The following GALNTL6 variants were observed in gnomAD, a reference collection of about 807,000 sequenced individuals.
GALNTL6 encodes the protein polypeptide N-acetylgalactosaminyltransferase-like 6.
GALNTL6 carries 46 observed loss-of-function variants against 73.7 expected under a neutral mutation model. That is an observed-to-expected ratio of 0.62 (90% confidence interval 0.49 to 0.80). The LOEUF (loss-of-function observed/expected upper bound fraction) is 0.80, where lower values mean the gene tolerates loss of function less well. GALNTL6 is among the 30% of genes least tolerant of loss of function. The pLI is 0.00. For missense variants in GALNTL6, 604 were observed against 755.0 expected, an observed-to-expected ratio of 0.80 and a Z score of 2.34; for synonymous variants, 259 against 263.7, an observed-to-expected ratio of 0.98 and a Z score of 0.17.
intron 12 of GALNTL6, among the ~76,000 whole-genome samples, chr4:173,032,348 G>A (rs1753498683): frequency 6.6e-6 from 1 of 152,104 alleles, no homozygotes; most frequent in Non-Finnish European, 1.5e-5. Flanking sequence ...CTACTCGGGA[G>A]GCTGAGGCAG....
At chr4:172,707,611 C>T (rs983329606) in intron 5 of GALNTL6, among the ~76,000 whole-genome samples, 3 of 152,122 alleles carry the variant, frequency 2.0e-5, no homozygotes, top group Non-Finnish European at 4.4e-5. Context: ...AATTATTCTG[C>T]ATTTGTTAAA....
intron 5 of GALNTL6, among the ~76,000 whole-genome samples, chr4:172,803,725 A>C (rs1202467126): frequency 6.6e-6 from 1 of 152,210 alleles, no homozygotes; most frequent in East Asian, 1.9e-4. Context: ...ATTAGCAAAA[A>C]ATATATTTTA....
At chr4:172,821,720 G>A (rs1314143751) in intron 7 of GALNTL6, among the ~76,000 whole-genome samples, 4 of 151,552 alleles carry the variant, frequency 2.6e-5, no homozygotes, top group Admixed American at 6.6e-5. Flanking sequence ...TCTACAGAAG[G>A]TGAGAATAAA....
intron 5 of GALNTL6, among the ~76,000 whole-genome samples, chr4:172,613,880 A>G (rs992861016): frequency 6.6e-6 from 1 of 152,136 alleles, no homozygotes; most frequent in Non-Finnish European, 1.5e-5. Flanking sequence ...CAAGTGTATC[A>G]GAGTTTATTT....
chr4:173,023,200 T>A (rs544425403), intron 12 of GALNTL6, among the ~76,000 whole-genome samples: 8 of 152,296 alleles, frequency 5.3e-5, no homozygotes, highest in African/African-American at 1.9e-4. Flanking sequence ...GGACTGGTTA[T>A]GTTACTTGTT....
chr4:171,852,570 A>G (rs1296472850), intron 2 of GALNTL6, among the ~76,000 whole-genome samples: 2 of 151,804 alleles, frequency 1.3e-5, no homozygotes, highest in Non-Finnish European at 2.9e-5. Flanking sequence ...ATTTATTTAT[A>G]TAATGCACAA....
At chr4:172,676,430 T>C (rs963996665) in intron 5 of GALNTL6, among the ~76,000 whole-genome samples, 1 of 152,172 alleles carries the variant, frequency 6.6e-6, no homozygotes, top group Non-Finnish European at 1.5e-5. Flanking sequence ...GATGTGAAAA[T>C]AGACGTCTAT....
chr4:172,126,517 T>C (rs1733298466), intron 2 of GALNTL6, among the ~76,000 whole-genome samples: 2 of 152,154 alleles, frequency 1.3e-5, no homozygotes, highest in South Asian at 4.1e-4. Flanking sequence ...AGGAACACAG[T>C]GCAGCTTGCT....
chr4:172,941,376 C>T (rs911496547), intron 9 of GALNTL6, among the ~76,000 whole-genome samples: 10 of 152,176 alleles, frequency 6.6e-5, no homozygotes, highest in African/African-American at 2.4e-4. Context: ...TTAATCATTA[C>T]TTTCACTTTG....
chr4:172,232,496 A>G lies in GALNTL6; in HGVS notation c.247+2732A>G, dbSNP rs527885812. 1.2e-4 allele frequency among the ~76,000 whole-genome samples: 18 copies of G among 152,260 alleles called. No homozygotes were observed. The South Asian group carries it at 3.7e-3, about 32-fold the overall frequency. ...TTTAGTTGTTGTATATAATGCTGCT[A>G]TAAGTATTCTTGTGCATGGTTCTGG... On this transcript the variant is annotated intron_variant, in intron 3 of 12. Coordinates refer to ENST00000506823, the MANE Select transcript of GALNTL6 (RefSeq NM_001034845.3).
intron 5 of GALNTL6, among the ~76,000 whole-genome samples, chr4:172,413,050 C>T (rs961031665): frequency 2.6e-5 from 4 of 152,264 alleles, no homozygotes; most frequent in Non-Finnish European, 4.4e-5. Flanking sequence ...TCCTCCATCC[C>T]CAGCCTCAGA....
chr4:172,458,901 G>A (rs1234528346), intron 5 of GALNTL6, among the ~76,000 whole-genome samples: 2 of 152,030 alleles, frequency 1.3e-5, no homozygotes, highest in African/African-American at 4.8e-5. Context: ...ACCTAGCAGA[G>A]ACACAACAAA....
intron 2 of GALNTL6, among the ~76,000 whole-genome samples, chr4:172,118,645 A>G (rs1579156490): frequency 1.3e-5 from 2 of 152,046 alleles, no homozygotes; most frequent in African/African-American, 2.4e-5. Flanking sequence ...AGTTGCAGTG[A>G]GCCGAGATTG....
chr4:171,957,155 C>A (rs1739076250), intron 2 of GALNTL6, among the ~76,000 whole-genome samples: 1 of 152,158 alleles, frequency 6.6e-6, no homozygotes. Flanking sequence ...CTTTACTGAA[C>A]AGACAAGGTC....
intron 2 of GALNTL6, among the ~76,000 whole-genome samples, chr4:171,941,598 A>C (rs1738546505): frequency 6.6e-6 from 1 of 152,140 alleles, no homozygotes; most frequent in African/African-American, 2.4e-5. Context: ...TACTTTGAGG[A>C]AGTTCTTCAT....
intron 12 of GALNTL6, among the ~76,000 whole-genome samples, chr4:173,024,162 T>C (rs1753133520): frequency 6.6e-6 from 1 of 152,202 alleles, no homozygotes. Flanking sequence ...CTGGCTGCAG[T>C]GGTTTCAAGG....
chr4:172,522,399 TGTGGCTTACAC>T (rs759901627), intron 5 of GALNTL6, among the ~76,000 whole-genome samples: 2 of 152,152 alleles, frequency 1.3e-5, no homozygotes, highest in Non-Finnish European at 2.9e-5. Flanking sequence ...AGGCCGGGCT[TGTGGCTTACAC>T]GTGTAATCCC....
At chr4:173,035,963 G>A (rs1472388173) in intron 12 of GALNTL6, among the ~76,000 whole-genome samples, 1 of 152,156 alleles carries the variant, frequency 6.6e-6, no homozygotes, top group Non-Finnish European at 1.5e-5. Flanking sequence ...CTATTACTTA[G>A]TTATTTACTT....
At chr4:172,233,602 T>C (rs1432878901) in intron 3 of GALNTL6, among the ~76,000 whole-genome samples, 2 of 152,150 alleles carry the variant, frequency 1.3e-5, no homozygotes, top group Non-Finnish European at 2.9e-5. Flanking sequence ...TTTTCTGGGT[T>C]CTCTATCCTG....
Sources: allele counts gnomAD v4.1 joint callset (sites outside exome capture counted in the v4.1 genomes callset), GRCh38; gene constraint gnomAD v4.1.1; transcripts MANE v1.5; gene names NCBI Gene and HGNC (gene_info 2026-07-23, HGNC 2026-07-21).